The following REPS2 variants were observed in gnomAD, a reference collection of about 807,000 sequenced individuals.
REPS2 encodes the protein RALBP1 associated Eps domain containing 2.
REPS2 carries 23 observed loss-of-function variants against 53.6 expected under a neutral mutation model. The ratio of observed to expected loss-of-function variants is 0.43; its 90% confidence interval spans 0.31 to 0.61. The LOEUF is 0.61. Ranked by LOEUF, REPS2 falls within the 20% of genes least tolerant of loss-of-function variation. REPS2 has a pLI of 0.11. For missense variants in REPS2, 446 were observed against 534.9 expected, an observed-to-expected ratio of 0.83 and a Z score of 1.64; for synonymous variants, 238 against 218.6, an observed-to-expected ratio of 1.09 and a Z score of -0.78.
At chrX:16,951,546 CACACA>C (rs2060509127) in intron 1 of REPS2, among the ~76,000 whole-genome samples, 1 of 36,181 alleles carries the variant, frequency 2.8e-5, no homozygotes, top group Non-Finnish European at 7.0e-5. Context: ...CACACACACA[CACACA>C]CACACACACC....
At chrX:17,154,918 T>C (rs1245032367), downstream of REPS2, among the ~76,000 whole-genome samples, 2 of 111,514 alleles carry the variant, frequency 1.8e-5, no homozygotes, top group Non-Finnish European at 3.8e-5. Context: ...CAGGAAGGCT[T>C]CATGGAATAG....
At chrX:16,971,733 TA>T (rs1285712460) in intron 1 of REPS2, among the ~76,000 whole-genome samples, 2 of 112,301 alleles carry the variant, frequency 1.8e-5, no homozygotes, top group Non-Finnish European at 3.8e-5. Context: ...CATACTTTTG[TA>T]TATGGATATC....
At chrX:17,101,700 C>T (rs767425886) in intron 13 of REPS2, among the ~76,000 whole-genome samples, 47 of 112,262 alleles carry the variant, frequency 4.2e-4, no homozygotes, top group Non-Finnish European at 8.4e-4. Context: ...TCTAATAACT[C>T]TCAAGGCAGT....
chrX:17,053,258 G>A (rs1298019119), intron 7 of REPS2, among the ~76,000 whole-genome samples: 1 of 112,254 alleles, frequency 8.9e-6, no homozygotes, highest in Non-Finnish European at 1.9e-5. Context: ...TAATACTCAT[G>A]CATGTCAATG....
chrX:16,946,806 G>A lies in REPS2; in HGVS notation c.-56G>A, dbSNP rs1254764848. 2.6e-6 allele frequency: 2 copies of A among 755,868 alleles called. No homozygotes were observed. The highest frequency in any genetic ancestry group is 3.1e-6 in the Non-Finnish European group (2 of 644,649). The allele number at this position is 755,868 out of a possible 1,213,427, so 62.3% of individuals were successfully genotyped here. On this transcript the variant is annotated 5_prime_UTR_variant, in exon 1 of 18. Coordinates refer to ENST00000357277, the MANE Select transcript of REPS2 (RefSeq NM_004726.3). ...GGCCGAGGAGGCGGTGGCTGTGGCG[G>A]ACGCAGCAGCACCCCAGCTAGGGAC... is the stretch of plus-strand genomic sequence containing the variant.
intron 17 of REPS2, among the ~76,000 whole-genome samples, chrX:17,144,040 A>G (rs766770422): frequency 1.8e-5 from 2 of 112,665 alleles, no homozygotes; most frequent in South Asian, 3.7e-4. Flanking sequence ...CTGTCTGGCA[A>G]TTTGGCTCGG....
chrX:16,965,485 C>T (rs1237122799), intron 1 of REPS2, among the ~76,000 whole-genome samples: 39 of 109,901 alleles, frequency 3.5e-4, no homozygotes, highest in African/African-American at 1.1e-3. Context: ...AGCTGCCGGG[C>T]GGAGGGGCTC....
intron 13 of REPS2, among the ~76,000 whole-genome samples, chrX:17,095,939 G>A (rs1297602885): frequency 1.8e-5 from 2 of 111,882 alleles, no homozygotes; most frequent in African/African-American, 6.5e-5. Context: ...TTGCTCATCT[G>A]TTTTCCCAGT....
At chrX:16,964,863 G>A (rs1307313772) in intron 1 of REPS2, among the ~76,000 whole-genome samples, 3 of 75,960 alleles carry the variant, frequency 3.9e-5, no homozygotes, top group Non-Finnish European at 7.6e-5. Context: ...AGGGGCAGCC[G>A]GGCAGAGGCG....
intron 1 of REPS2, among the ~76,000 whole-genome samples, chrX:17,000,158 A>G (rs1288534303): frequency 9.0e-6 from 1 of 111,655 alleles, no homozygotes. Flanking sequence ...GGTTGCCATG[A>G]AAGTTTATAG....
At chrX:17,013,740 T>C (rs2061457298) in intron 2 of REPS2, among the ~76,000 whole-genome samples, 1 of 110,999 alleles carries the variant, frequency 9.0e-6, no homozygotes, top group Non-Finnish European at 1.9e-5. Flanking sequence ...CAACTCATCC[T>C]TTCTGACTGA....
chrX:16,964,953 G>A (rs1274587804), intron 1 of REPS2, among the ~76,000 whole-genome samples: 4 of 66,445 alleles, frequency 6.0e-5, no homozygotes, highest in East Asian at 4.8e-4. Context: ...GCGGCTGGCC[G>A]GGCAGAGTGG....
downstream of REPS2, among the ~76,000 whole-genome samples, chrX:17,158,008 A>T (rs2063627245): frequency 8.9e-6 from 1 of 112,067 alleles, no homozygotes; most frequent in Non-Finnish European, 1.9e-5. Context: ...ACTTATTGCC[A>T]TGCAGGCACC....
the REPS2 span, among the ~76,000 whole-genome samples, chrX:17,178,796 C>T: frequency 2.7e-5 from 3 of 109,285 alleles, no homozygotes; most frequent in South Asian, 4.0e-4. Context: ...GGTGTGGTGG[C>T]GTCGGAGGCA....
chrX:17,041,617 C>G (rs948455337), intron 5 of REPS2, among the ~76,000 whole-genome samples: 20 of 112,042 alleles, frequency 1.8e-4, no homozygotes, highest in African/African-American at 6.5e-4. Context: ...GAGGCATCCT[C>G]AGATATTCAC....
At chrX:17,041,672 C>G (rs751946005) in intron 5 of REPS2, among the ~76,000 whole-genome samples, 2 of 112,043 alleles carry the variant, frequency 1.8e-5, no homozygotes, top group African/African-American at 3.2e-5. Context: ...AGTTTGTTTA[C>G]TAAGGCACTA....
chrX:16,954,774 A>G (rs2060570797), intron 1 of REPS2, among the ~76,000 whole-genome samples: 1 of 106,771 alleles, frequency 9.4e-6, no homozygotes, highest in Non-Finnish European at 1.9e-5. Context: ...TTTTGAGGAA[A>G]TCTTGGGTTG....
At chrX:17,093,200 A>ATATAT (rs61196590) in intron 13 of REPS2, among the ~76,000 whole-genome samples, 11 of 15,645 alleles carry the variant, frequency 7.0e-4, no homozygotes, top group Non-Finnish European at 1.0e-3. Context: ...ATATATATAT[A>ATATAT]ATTTTTTTTT....
the REPS2 span, among the ~76,000 whole-genome samples, chrX:17,168,940 C>G: frequency 3.5e-4 from 39 of 112,455 alleles, no homozygotes; most frequent in South Asian, 7.4e-3. Flanking sequence ...AGAAGTGAGG[C>G]TGTGTGAGTT....
Sources: gnomAD v4.1 joint callset for allele counts (sites outside exome capture counted in the v4.1 genomes callset) on GRCh38, gnomAD v4.1.1 for gene constraint, MANE v1.5 for transcripts, NCBI Gene and HGNC (gene_info 2026-07-23, HGNC 2026-07-21) for gene names.